Variants in THOC1 observed in about 807,000 individuals in gnomAD.
The protein encoded by THOC1 is THO complex 1.
In THOC1, 29 loss-of-function variants were observed where a neutral mutation model predicts 97.3. That is an observed-to-expected ratio of 0.30 (90% CI 0.22 to 0.41). THOC1 has a LOEUF of 0.41. Ranked by LOEUF, THOC1 falls within the 10% of genes least tolerant of loss-of-function variation. The pLI is 1.00. For synonymous variants in THOC1, 255 were observed against 257.0 expected, an observed-to-expected ratio of 0.99 and a Z score of 0.07; for missense variants, 529 against 761.9, an observed-to-expected ratio of 0.69 and a Z score of 3.60.
intron 11 of THOC1, 31 bp from the exon 12 acceptor site, chr18:226,932 A>T (rs1316990328): frequency 1.3e-6 from 2 of 1,524,454 alleles, no homozygotes; most frequent in Non-Finnish European, 1.8e-6. Flanking sequence ...CACATACGAA[A>T]ACAACACATT....
In THOC1 at chr18:226,867, C is replaced by T. The variant is rs1911308176; in HGVS notation, c.953G>A (p.Arg318His). 1.2e-6 allele frequency: 2 copies of T among 1,611,512 alleles called. No individual in the cohort carries two copies. The highest frequency in any genetic ancestry group is 1.7e-6 in the Non-Finnish European group (2 of 1,178,878). The change falls in exon 12 of 21, where the codon CGT (arginine) becomes CAT (histidine). Residue 318 changes from arginine (R) to histidine (H), a missense_variant. By Grantham distance (29) the Arg-to-His change is conservative (BLOSUM62 0). Transcript: ENST00000261600. ...GAGATACTGCAACAGGATGTGTCGA[C>T]GAAAGTTACTGTCACTCAGTTGTAA... ...MDLQLSDSNF[R>H]RHILLQYLIL...
chr18:267,838 C>G lies in THOC1; in HGVS notation c.54+128G>C, dbSNP rs533401019. On this transcript the variant is annotated intron_variant, in intron 1 of 20. Transcript: ENST00000261600. ...CTACCCCTCAACCTCCGACGGGGCC[C>G]GGAGCGGACGCTGAGGCGGACACAC... 4 of 988,732 alleles carry G rather than the reference C, an allele frequency of 4.0e-6. No homozygotes were observed. The East Asian group carries it at 9.3e-5, about 23-fold the overall frequency. 61.2% of individuals were successfully genotyped at this position (988,732 alleles called of 1,614,324 possible).
intron 12 of THOC1, chr18:225,874 G>A (rs539324793): frequency 1.3e-5 from 2 of 154,962 alleles, no homozygotes; most frequent in East Asian, 3.8e-4. Context: ...TAATGCACTA[G>A]GTGATTTAAA....
At chr18:229,699 G>T (rs769271821) in intron 11 of THOC1, among the ~76,000 whole-genome samples, 13 of 152,094 alleles carry the variant, frequency 8.5e-5, no homozygotes, top group Non-Finnish European at 1.9e-4. Flanking sequence ...GGGGAAGAAA[G>T]TGTTTTGTCA....
In THOC1 at chr18:218,978, T is replaced by A; in HGVS notation, c.1371-9A>T. On this transcript the variant is annotated splice_polypyrimidine_tract_variant and intron_variant, in intron 17 of 20. Coordinates refer to ENST00000261600, the MANE Select transcript of THOC1 (RefSeq NM_005131.3). Reference sequence around the variant, plus strand: ...AAGTGGGCATGTGTTCCCTGAGCGGTACAAAAATAACCAGTGAGGATGGCA... The same window carrying A: ...AAGTGGGCATGTGTTCCCTGAGCGGAACAAAAATAACCAGTGAGGATGGCA... 1 of 1,581,816 alleles carries A rather than the reference T, an allele frequency of 6.3e-7. No individual in the cohort carries two copies. Among genetic ancestry groups the A allele is most frequent in the East Asian group, 2.3e-5 (1 of 44,050 alleles).
intron 10 of THOC1, 108 bp from the exon 11 acceptor site, chr18:246,563 ACT>A (rs1912095083): frequency 1.1e-6 from 1 of 879,634 alleles, no homozygotes. Context: ...ATGTATGTAG[ACT>A]GTATATTGCA....
chr18:227,259 C>G (rs1417029230), intron 11 of THOC1, among the ~76,000 whole-genome samples: 3 of 152,086 alleles, frequency 2.0e-5, no homozygotes, highest in African/African-American at 7.2e-5. Context: ...GAAGGAGGAT[C>G]ACTTGAGCTC....
intron 4 of THOC1, 118 bp downstream of exon 4, chr18:263,908 C>T (rs1220808112): frequency 4.0e-6 from 3 of 744,098 alleles, no homozygotes; most frequent in Non-Finnish European, 6.5e-6. Flanking sequence ...GGGAGTCAGG[C>T]AGAACTTGAA....
At chr18:223,530 T>C (rs1355454881) in intron 16 of THOC1, 25 bp from the exon 17 acceptor site, 1 of 1,533,890 alleles carries the variant, frequency 6.5e-7, no homozygotes, top group Non-Finnish European at 8.8e-7. Flanking sequence ...CAGAAATAAA[T>C]ACATTTTTTA....
chr18:236,451 G>T (rs11080932), intron 11 of THOC1, among the ~76,000 whole-genome samples: 31,061 of 147,688 alleles, frequency 0.21, 3,767 homozygotes, highest in South Asian at 0.35. Flanking sequence ...CGCCTCCCGG[G>T]TTCACGCCAT....
chr18:234,673 C>T (rs752158145), intron 11 of THOC1, among the ~76,000 whole-genome samples: 13 of 152,150 alleles, frequency 8.5e-5, no homozygotes, highest in African/African-American at 1.9e-4. Flanking sequence ...TAAGCCAATA[C>T]GCCCAGCCAA....
At chr18:252,687 G>A in intron 8 of THOC1, 75 bp from the exon 9 acceptor site, 1 of 1,269,384 alleles carries the variant, frequency 7.9e-7, no homozygotes, top group Non-Finnish European at 1.1e-6. Context: ...AGAATAAGTG[G>A]TCAGTTACAC....
At chr18:229,451 G>C (rs1199491419) in intron 11 of THOC1, among the ~76,000 whole-genome samples, 1 of 152,156 alleles carries the variant, frequency 6.6e-6, no homozygotes, top group African/African-American at 2.4e-5. Context: ...GGAGGCTGAG[G>C]CGGGCGGATC....
At chr18:239,065 C>T (rs1164109513) in intron 11 of THOC1, among the ~76,000 whole-genome samples, 1 of 152,148 alleles carries the variant, frequency 6.6e-6, no homozygotes, top group South Asian at 2.1e-4. Flanking sequence ...GGATTATTTA[C>T]ACATAAACAT....
Position 254,329 on chromosome 18 carries a change from G to T in THOC1, c.547C>A (p.Leu183Met). The stretch of plus-strand genomic sequence containing the variant: ...GTATTGAAAACAGTGACATTTTCCA[G>T]ATTAAACTGACTCTGCAAGTTAAGA... Reference protein sequence around the residue: ...SGLNLQSQFNLENVTVFNTNE... With the variant: ...SGLNLQSQFNMENVTVFNTNE... The change falls in exon 8 of 21, where the codon CTG (leucine) becomes ATG (methionine). Residue 183 changes from leucine to methionine, a missense_variant. Transcript: ENST00000261600. This position sits in a 1 kb window ranked among gnomAD's most constrained non-coding sequence, Gnocchi z 4.1. 1 of 1,576,738 alleles carries T rather than the reference G, an allele frequency of 6.3e-7. No homozygotes were observed. Among genetic ancestry groups the T allele is most frequent in the Non-Finnish European group, 8.6e-7 (1 of 1,160,332 alleles).
chr18:265,622 C>G (rs1459815311), intron 1 of THOC1, 92 bp from the exon 2 acceptor site: 2 of 993,110 alleles, frequency 2.0e-6, no homozygotes, highest in African/African-American at 3.3e-5. Context: ...ATCTTACTAA[C>G]TAAAAAATGC....
At chr18:239,792 T>A (rs1006640810) in intron 11 of THOC1, among the ~76,000 whole-genome samples, 1 of 152,206 alleles carries the variant, frequency 6.6e-6, no homozygotes, top group Non-Finnish European at 1.5e-5. Flanking sequence ...TATCAAAGTA[T>A]ACTGAAAACT....
intron 4 of THOC1, 112 bp downstream of exon 4, chr18:263,914 T>C: frequency 1.2e-6 from 1 of 801,914 alleles, no homozygotes; most frequent in Admixed American, 3.0e-5. Flanking sequence ...CAGGCAGAAC[T>C]TGAAGAATAA....
intron 4 of THOC1, chr18:263,432 G>T (rs1912667551): frequency 6.6e-6 from 1 of 152,498 alleles, no homozygotes; most frequent in Admixed American, 6.5e-5. Flanking sequence ...GACCTAACCT[G>T]CTTCTTTCCT....
Sources: allele counts gnomAD v4.1 joint callset (sites outside exome capture counted in the v4.1 genomes callset), GRCh38; gene constraint gnomAD v4.1.1; non-coding constraint Gnocchi (gnomAD v3.1); transcripts MANE v1.5; gene names NCBI Gene and HGNC (gene_info 2026-07-23, HGNC 2026-07-21).